The following TRAF3 variants were observed in gnomAD, a reference collection of about 807,000 sequenced individuals.
TRAF3 encodes the protein TNF receptor associated factor 3.
A neutral mutation model predicts 62.3 loss-of-function variants in TRAF3; 13 were observed. The ratio of observed to expected loss-of-function variants is 0.21; its 90% CI spans 0.14 to 0.33. TRAF3 has a LOEUF of 0.33. Ranked by LOEUF, TRAF3 falls within the 10% of genes least tolerant of loss-of-function variation. TRAF3 has a pLI of 1.00. For missense variants in TRAF3, 440 were observed against 741.8 expected, an observed-to-expected ratio of 0.59 and a Z score of 4.73; for synonymous variants, 269 against 283.4, an observed-to-expected ratio of 0.95 and a Z score of 0.51.
chr14:102,832,820 GT>G (rs780159219), intron 2 of TRAF3, among the ~76,000 whole-genome samples: 30 of 150,754 alleles, frequency 2.0e-4, no homozygotes, highest in African/African-American at 6.8e-4. Flanking sequence ...ATTAGAACGG[GT>G]TTTTTTTTCG....
intron 1 of TRAF3, among the ~76,000 whole-genome samples, chr14:102,814,286 T>C (rs1434464076): frequency 6.6e-6 from 1 of 152,174 alleles, no homozygotes; most frequent in Non-Finnish European, 1.5e-5. Flanking sequence ...TCTGTTTTTA[T>C]AGACACATAC....
chr14:102,831,675 G>A (rs985884902), intron 2 of TRAF3, among the ~76,000 whole-genome samples: 6 of 152,158 alleles, frequency 3.9e-5, no homozygotes, highest in Admixed American at 6.5e-5. Context: ...GGGTCCCGTT[G>A]CCCAGAATAC....
intron 1 of TRAF3, among the ~76,000 whole-genome samples, chr14:102,788,690 C>T (rs937207934): frequency 3.9e-5 from 6 of 152,182 alleles, no homozygotes; most frequent in Non-Finnish European, 8.8e-5. Flanking sequence ...CCCAGCTACT[C>T]AGGAGGCTGA....
chr14:102,886,211 C>G lies in TRAF3; in HGVS notation c.593C>G (p.Pro198Arg). ...ALQKHEDTDC[P>R]CVVVSCPHKC... ...TAGAAACACGAAGACACCGACTGTC[C>G]CTGCGTGGTGGTGTCCTGCCCTCAC... is the stretch of plus-strand genomic sequence containing the variant. Residue 198 changes from proline to arginine, a missense_variant, in exon 7 of 12, where the codon CCC becomes CGC. Around this residue, in one of 6 missense-constraint regions of TRAF3, gnomAD observed 255 missense variants for 424.1 expected, o/e 0.60. Coordinates refer to ENST00000392745, the MANE Select transcript of TRAF3 (RefSeq NM_145725.3). 3 of 1,613,126 alleles carry G rather than the reference C, an allele frequency of 1.9e-6. No homozygotes were observed. The highest frequency in any genetic ancestry group is 2.5e-6 in the Non-Finnish European group (3 of 1,179,686).
At chr14:102,851,193 T>C (rs979947717) in intron 2 of TRAF3, among the ~76,000 whole-genome samples, 5 of 152,246 alleles carry the variant, frequency 3.3e-5, no homozygotes, top group Non-Finnish European at 5.9e-5. Context: ...AGAATTGCCA[T>C]TAACTTATAA....
At chr14:102,853,503 A>G (rs370895425) in intron 2 of TRAF3, among the ~76,000 whole-genome samples, 2 of 152,036 alleles carry the variant, frequency 1.3e-5, no homozygotes, top group Admixed American at 1.3e-4. Flanking sequence ...CACCACTTAA[A>G]CCACTTAAAG....
chr14:102,813,095 C>T (rs1055793702), intron 1 of TRAF3, among the ~76,000 whole-genome samples: 2 of 152,092 alleles, frequency 1.3e-5, no homozygotes, highest in African/African-American at 2.4e-5. Context: ...CCTGCCTCAG[C>T]CTCCCGAGTA....
intron 1 of TRAF3, among the ~76,000 whole-genome samples, chr14:102,784,203 A>C (rs965391322): frequency 2.7e-5 from 4 of 145,672 alleles, no homozygotes; most frequent in African/African-American, 1.0e-4. Context: ...TGCTCCTGGG[A>C]AGATGCTTGG....
At chr14:102,847,442 T>G (rs112892420) in intron 2 of TRAF3, among the ~76,000 whole-genome samples, 1,970 of 152,284 alleles carry the variant, frequency 0.013, 46 homozygotes, top group African/African-American at 0.046. Context: ...CCCAAAGTGC[T>G]GGGATTACAA....
rs1421862490 is a variant in TRAF3 at position 102,903,698 on chromosome 14, C to T, written c.1135+269C>T. ...GCTGCAGCCACGGGAAGCTGCAAAGCCCTCCTGGGAGAGACTGGCCGCAGG... is the reference window on the plus strand; with the variant it reads ...GCTGCAGCCACGGGAAGCTGCAAAGTCCTCCTGGGAGAGACTGGCCGCAGG... On this transcript the variant is annotated intron_variant, in intron 11 of 11. Coordinates refer to ENST00000392745, the MANE Select transcript of TRAF3 (RefSeq NM_145725.3). The surrounding 1 kb of genome is among the most constrained non-coding windows in gnomAD (Gnocchi z 6.4). The T allele has an allele frequency of 1.7e-6, 1 of 592,270 alleles. No homozygotes were observed. Among genetic ancestry groups the T allele is most frequent in the Non-Finnish European group, 3.1e-6 (1 of 317,510 alleles). 36.7% of individuals were successfully genotyped at this position (592,270 alleles called of 1,614,324 possible).
At chr14:102,782,348 C>G (rs1465164975) in intron 1 of TRAF3, among the ~76,000 whole-genome samples, 1 of 152,190 alleles carries the variant, frequency 6.6e-6, no homozygotes, top group Non-Finnish European at 1.5e-5. Context: ...ATGCTCCTGC[C>G]TTAGCCTCCT....
intron 2 of TRAF3, among the ~76,000 whole-genome samples, chr14:102,860,956 A>G (rs1207600207): frequency 2.6e-5 from 4 of 152,276 alleles, no homozygotes; most frequent in Non-Finnish European, 1.5e-5. Flanking sequence ...ACATTTCTCA[A>G]CATGTGGTCT....
intron 2 of TRAF3, among the ~76,000 whole-genome samples, chr14:102,841,182 G>A (rs569375111): frequency 4.6e-5 from 7 of 152,344 alleles, no homozygotes; most frequent in African/African-American, 1.7e-4. Context: ...GATGATACAG[G>A]AGAAATTGGG....
chr14:102,873,386 A>T (rs1888454488), intron 4 of TRAF3, among the ~76,000 whole-genome samples: 1 of 152,136 alleles, frequency 6.6e-6, no homozygotes, highest in Non-Finnish European at 1.5e-5. Context: ...CTAGCATGGT[A>T]CTCGGCCGCC....
chr14:102,886,378 CAT>C (rs769689659), intron 7 of TRAF3, 109 bp downstream of exon 7: 53 of 951,198 alleles, frequency 5.6e-5, no homozygotes, highest in African/African-American at 5.1e-4. Flanking sequence ...TCGTGAGAGT[CAT>C]GTGTATGGCA....
rs1464361578 is a variant in TRAF3, at chr14:102,778,074, G to T, written c.-157+399G>T. Among the ~76,000 whole-genome samples, 3 of 150,688 alleles carry T rather than the reference G, an allele frequency of 2.0e-5. No homozygotes were observed. In the East Asian group the frequency reaches 5.9e-4, roughly 30 times the overall value. On this transcript the variant is annotated intron_variant, in intron 1 of 11. Coordinates refer to ENST00000392745, the MANE Select transcript of TRAF3 (RefSeq NM_145725.3). ...TCACGCGGGGGGACGGGCGGCTCAG[G>T]GGCTGCGTGGCCGAGCGCGCTGCCC...
At chr14:102,864,507 A>G (rs1464581347) in intron 2 of TRAF3, among the ~76,000 whole-genome samples, 1 of 152,170 alleles carries the variant, frequency 6.6e-6, no homozygotes, top group African/African-American at 2.4e-5. Flanking sequence ...TTCCTTACTC[A>G]GCCATTTTTG....
intron 1 of TRAF3, among the ~76,000 whole-genome samples, chr14:102,817,561 G>A (rs1899610272): frequency 6.6e-6 from 1 of 152,126 alleles, no homozygotes; most frequent in Non-Finnish European, 1.5e-5. Flanking sequence ...AGACAGGCAG[G>A]CCTTCCTTTC....
intron 1 of TRAF3, 150 bp downstream of exon 1, chr14:102,777,825 A>G (rs1346507930): frequency 6.9e-6 from 1 of 144,726 alleles, no homozygotes; most frequent in East Asian, 2.1e-4. Flanking sequence ...GGCCCGTCCC[A>G]GCGGCGACGG....
Sources: allele counts gnomAD v4.1 joint callset (sites outside exome capture counted in the v4.1 genomes callset), GRCh38; gene constraint gnomAD v4.1.1; regional missense constraint gnomAD v4.1.1; non-coding constraint Gnocchi (gnomAD v3.1); transcripts MANE v1.5; gene names NCBI Gene and HGNC (gene_info 2026-07-23, HGNC 2026-07-21).